ARHGAP35: variants seen among roughly 807,000 people sequenced by gnomAD.
The protein encoded by ARHGAP35 is Rho GTPase activating protein 35.
Under a neutral mutation model 111.1 loss-of-function variants are expected in ARHGAP35, and 15 were observed. That is an observed-to-expected ratio of 0.13 (90% CI 0.09 to 0.21). ARHGAP35 has a LOEUF of 0.21. Among genes scored for constraint, ARHGAP35 ranks in the 10% least tolerant of loss-of-function variants. ARHGAP35 has a pLI of 1.00. For missense variants in ARHGAP35, 1,262 were observed against 1,873.0 expected, an observed-to-expected ratio of 0.67 and a Z score of 6.02; for synonymous variants, 643 against 710.3, an observed-to-expected ratio of 0.91 and a Z score of 1.51.
chr19:46,952,148 T>C (rs2056416457), intron 3 of ARHGAP35, among the ~76,000 whole-genome samples: 1 of 152,210 alleles, frequency 6.6e-6, no homozygotes, highest in Non-Finnish European at 1.5e-5. Context: ...TCATTACACA[T>C]TGTATCCTTG....
At chr19:46,931,557 G>T (rs907279564) in intron 2 of ARHGAP35, among the ~76,000 whole-genome samples, 1 of 152,028 alleles carries the variant, frequency 6.6e-6, no homozygotes, top group Non-Finnish European at 1.5e-5. Flanking sequence ...GTGCACCACG[G>T]GCATAAACTA....
intron 1 of ARHGAP35, among the ~76,000 whole-genome samples, chr19:46,877,354 G>C (rs1264057780): frequency 6.6e-6 from 1 of 151,854 alleles, no homozygotes; most frequent in Non-Finnish European, 1.5e-5. Context: ...CCTAAGGTCA[G>C]GAGTTCGAGA....
chr19:46,878,577 C>T (rs141587422), intron 1 of ARHGAP35, among the ~76,000 whole-genome samples: 19 of 152,290 alleles, frequency 1.2e-4, no homozygotes, highest in African/African-American at 4.3e-4. Flanking sequence ...CCTCGGCCTC[C>T]GGAAGTGCTG....
intron 3 of ARHGAP35, chr19:46,949,227 CAAT>C (rs1465314116): frequency 3.3e-5 from 5 of 151,574 alleles, no homozygotes; most frequent in Non-Finnish European, 7.4e-5. Flanking sequence ...AATTATACCT[CAAT>C]AAAGTTGATT....
At chr19:46,890,953 T>C (rs1341333874) in intron 1 of ARHGAP35, among the ~76,000 whole-genome samples, 7 of 152,198 alleles carry the variant, frequency 4.6e-5, no homozygotes, top group Non-Finnish European at 1.0e-4. Flanking sequence ...ATGGAAATGA[T>C]TGGGTTGTGG....
intron 5 of ARHGAP35, among the ~76,000 whole-genome samples, chr19:46,995,771 A>G (rs1284444343): frequency 6.6e-6 from 1 of 152,272 alleles, no homozygotes; most frequent in African/African-American, 2.4e-5. Context: ...AAGAGGCTGC[A>G]GCTGGAGCCT....
At chr19:46,874,729 TC>T (rs2122123171) in intron 1 of ARHGAP35, among the ~76,000 whole-genome samples, 1 of 151,032 alleles carries the variant, frequency 6.6e-6, no homozygotes, top group East Asian at 1.9e-4. Flanking sequence ...GGTCTCGAAC[TC>T]CTGACCTCGT....
At position 46,993,236 on chromosome 19, in the gene ARHGAP35, G is replaced by A. The variant is rs2056688556; in HGVS notation, c.4036+3561G>A. On this transcript the variant is annotated intron_variant, in intron 5 of 6. Coordinates refer to ENST00000672722, the MANE Select transcript of ARHGAP35 (RefSeq NM_004491.5). The surrounding 1 kb of genome is among the most constrained non-coding windows in gnomAD (Gnocchi z 4.6). ...TTGTTTACCACCTGGGGCGGGGAGA[G>A]CCGACGCCGGACGAGCCTGCGTGAT... Among the ~76,000 whole-genome samples, 1 of 152,256 alleles carries A rather than the reference G, an allele frequency of 6.6e-6. No homozygotes were observed. Among genetic ancestry groups the A allele is most frequent in the Non-Finnish European group, 1.5e-5 (1 of 68,050 alleles).
Position 46,967,402 on chromosome 19 carries a change from A to G in ARHGAP35, c.3827-20587A>G, listed in dbSNP as rs75724399. Among the ~76,000 whole-genome samples the G allele has an allele frequency of 1.7e-3, 265 of 151,912 alleles. 1 individual carries two copies. Among genetic ancestry groups the G allele is most frequent in the Middle Eastern group, 0.01 (3 of 294 alleles). The stretch of plus-strand genomic sequence containing the variant: ...CCTTGTTACCTTCCCACACCAGTCA[A>G]CCTCATCAGTCAGTCCCATTGTTTT... On this transcript the variant is annotated intron_variant, in intron 3 of 6. Coordinates refer to ENST00000672722, the MANE Select transcript of ARHGAP35 (RefSeq NM_004491.5).
chr19:46,920,814 T>C lies in ARHGAP35; in HGVS notation c.2139T>C (p.Thr713=), dbSNP rs2228163. The C allele has an allele frequency of 0.027, 43,231 of 1,611,848 alleles. 700 individuals are homozygous for C. The highest frequency in any genetic ancestry group is 0.032 in the South Asian group (2,931 of 90,776). The change falls in exon 2 of 7, where the codon ACT becomes ACC. Residue 713 remains threonine, a synonymous_variant. Transcript: ENST00000672722. The surrounding 1 kb of genome is among the most constrained non-coding windows in gnomAD (Gnocchi z 7.0). Reference sequence around the variant, plus strand: ...AGAGAGGAGACACCAGTGGAGAGACTCTGCATAGCTTAATACAGCAAGGTC... The same window carrying C: ...AGAGAGGAGACACCAGTGGAGAGACCCTGCATAGCTTAATACAGCAAGGTC... The part of the protein sequence containing the change: ...VNKRGDTSGE[T]LHSLIQQGQQ...
chr19:46,872,545 T>C (rs1252943300), intron 1 of ARHGAP35, among the ~76,000 whole-genome samples: 2 of 152,112 alleles, frequency 1.3e-5, no homozygotes, highest in Non-Finnish European at 2.9e-5. Context: ...CTAGTACCTT[T>C]GAAGGTAAGG....
intron 1 of ARHGAP35, among the ~76,000 whole-genome samples, chr19:46,883,325 CTT>C (rs2055974116): frequency 1.3e-5 from 2 of 151,536 alleles, no homozygotes; most frequent in Non-Finnish European, 2.9e-5. Flanking sequence ...GTCTCGAACT[CTT>C]GACCTCAGGT....
In ARHGAP35 at chr19:46,992,675, G is replaced by A. The variant is rs1039101681; in HGVS notation, c.4036+3000G>A. On this transcript the variant is annotated intron_variant, in intron 5 of 6. Transcript: ENST00000672722. This position sits in a 1 kb window ranked among gnomAD's most constrained non-coding sequence, Gnocchi z 4.4. ...CCAGAGGGTCAGGACCAAAGGACCTGTGGCTCCAGGGTCCGCATTAACTCC... is the reference window on the plus strand; with the variant it reads ...CCAGAGGGTCAGGACCAAAGGACCTATGGCTCCAGGGTCCGCATTAACTCC... Among the ~76,000 whole-genome samples the A allele has an allele frequency of 6.6e-6, 1 of 152,208 alleles. No individual in the cohort carries two copies. The highest frequency in any genetic ancestry group is 1.5e-5 in the Non-Finnish European group (1 of 68,042).
intron 3 of ARHGAP35, among the ~76,000 whole-genome samples, chr19:46,949,356 A>G (rs1056710286): frequency 3.3e-5 from 5 of 152,278 alleles, no homozygotes; most frequent in Non-Finnish European, 7.4e-5. Flanking sequence ...GGGGGACCAC[A>G]CCTTTATAAT....
At chr19:46,953,083 A>G (rs774121214) in intron 3 of ARHGAP35, among the ~76,000 whole-genome samples, 118 of 152,276 alleles carry the variant, frequency 7.7e-4, no homozygotes, top group Non-Finnish European at 1.1e-3. Flanking sequence ...TTCAGCAAGT[A>G]TATATTGAGC....
At chr19:46,880,848 G>T (rs986303494) in intron 1 of ARHGAP35, among the ~76,000 whole-genome samples, 2 of 146,216 alleles carry the variant, frequency 1.4e-5, no homozygotes, top group African/African-American at 5.1e-5. Context: ...ACTAATTTTT[G>T]TTTTTTTTTA....
chr19:46,881,634 A>G (rs1314689659), intron 1 of ARHGAP35, among the ~76,000 whole-genome samples: 1 of 152,234 alleles, frequency 6.6e-6, no homozygotes, highest in Admixed American at 6.5e-5. Flanking sequence ...TATAGAGCAC[A>G]GGTAGAATAC....
intron 2 of ARHGAP35, among the ~76,000 whole-genome samples, chr19:46,925,636 G>A (rs765124452): frequency 1.2e-4 from 18 of 152,186 alleles, no homozygotes; most frequent in Non-Finnish European, 1.8e-4. Context: ...CCTGCCCAGG[G>A]AAGGCTATGT....
chr19:46,954,657 T>G (rs1043204171), intron 3 of ARHGAP35, among the ~76,000 whole-genome samples: 1 of 152,264 alleles, frequency 6.6e-6, no homozygotes, highest in Non-Finnish European at 1.5e-5. Context: ...TTGCGTTCTT[T>G]CACTCTTGGC....
Sources: gnomAD v4.1 joint callset for allele counts (sites outside exome capture counted in the v4.1 genomes callset) on GRCh38, gnomAD v4.1.1 for gene constraint, Gnocchi (gnomAD v3.1) non-coding constraint, MANE v1.5 for transcripts, NCBI Gene and HGNC (gene_info 2026-07-23, HGNC 2026-07-21) for gene names.